NEDD9: variants seen among roughly 807,000 people sequenced by gnomAD.
NEDD9 encodes the protein neural precursor cell expressed, developmentally down-regulated 9, also known as enhancer of filamentation 1.
Under a neutral mutation model 76.6 loss-of-function variants are expected in NEDD9, and 26 were observed. That is an observed-to-expected ratio of 0.34 (90% CI 0.25 to 0.47). NEDD9 has a LOEUF of 0.47. Ranked by LOEUF, NEDD9 falls within the 20% of genes least tolerant of loss-of-function variation. The probability of loss-of-function intolerance (pLI) is 1.00; values close to 1 mark genes in which losing one functional copy is unlikely to be tolerated. For synonymous variants in NEDD9, 392 were observed against 414.2 expected (o/e 0.95, Z 0.65); for missense variants, 937 against 1,058.5 (o/e 0.89, Z 1.59).
chr6:11,256,471 G>T (rs1760007026), intron 3 of NEDD9, among the ~76,000 whole-genome samples: 1 of 152,168 alleles, frequency 6.6e-6, no homozygotes, highest in Non-Finnish European at 1.5e-5. Context: ...CTCTTTCACA[G>T]AATTTATTAG....
chr6:11,235,328 A>T (rs1272947080), upstream of NEDD9, among the ~76,000 whole-genome samples: 1 of 152,158 alleles, frequency 6.6e-6, no homozygotes, highest in Non-Finnish European at 1.5e-5. The surrounding 1 kb of genome is among the most constrained non-coding windows in gnomAD (Gnocchi z 4.1). Context: ...AGGCATTCAG[A>T]AGAAGTTGGA....
chr6:11,331,546 G>A (rs117707967), intron 2 of NEDD9, among the ~76,000 whole-genome samples: 1 of 152,072 alleles, frequency 6.6e-6, no homozygotes, highest in African/African-American at 2.4e-5. Flanking sequence ...TTCAAAAAAT[G>A]TTTAAATGTA....
intron 1 of NEDD9, among the ~76,000 whole-genome samples, chr6:11,359,472 C>A (rs1196244165): frequency 2.0e-5 from 3 of 152,234 alleles, no homozygotes; most frequent in Non-Finnish European, 2.9e-5. Context: ...GTCCCTATTT[C>A]ACTAGTTAAC....
At chr6:11,352,174 C>G (rs1427775106) in intron 1 of NEDD9, 1 of 152,232 alleles carries the variant, frequency 6.6e-6, no homozygotes, top group Non-Finnish European at 1.5e-5. Flanking sequence ...GTTTCCTTTT[C>G]TTCAGGGTTA....
At chr6:11,332,733 A>C (rs1762070286) in intron 2 of NEDD9, among the ~76,000 whole-genome samples, 1 of 152,112 alleles carries the variant, frequency 6.6e-6, no homozygotes, top group Non-Finnish European at 1.5e-5. Context: ...AGATGCTGAG[A>C]ACATGTGGGC....
Position 11,232,655 on chromosome 6 carries a change from T to A in NEDD9, c.-140A>T. 1.9e-6 allele frequency: 3 copies of A among 1,546,210 alleles called. No individual in the cohort carries two copies. The highest frequency in any genetic ancestry group is 2.6e-6 in the Non-Finnish European group (3 of 1,149,630). ...AGAGCCGCTTGTCAGTCGCAGCGCC[T>A]CCCTCAAGTCTCTGAGCTCACTGTT... On this transcript the variant is annotated 5_prime_UTR_variant, in exon 1 of 7. Transcript: ENST00000379446.
At chr6:11,305,499 C>T (rs1277265630) in intron 3 of NEDD9, among the ~76,000 whole-genome samples, 1 of 152,096 alleles carries the variant, frequency 6.6e-6, no homozygotes, top group African/African-American at 2.4e-5. Context: ...TTTAGGAAGC[C>T]TTGGTTAGAT....
intron 2 of NEDD9, among the ~76,000 whole-genome samples, chr6:11,212,632 C>T (rs1399478386): frequency 6.6e-6 from 1 of 152,186 alleles, no homozygotes; most frequent in Non-Finnish European, 1.5e-5. Flanking sequence ...CCTAAATATC[C>T]AAGCTCCACT....
chr6:11,378,656 T>C (rs80024026), intron 1 of NEDD9, among the ~76,000 whole-genome samples: 3,951 of 152,290 alleles, frequency 0.026, 190 homozygotes, highest in African/African-American at 0.091. Flanking sequence ...AATGTTACAA[T>C]ATTTAAAAAT....
intron 1 of NEDD9, among the ~76,000 whole-genome samples, chr6:11,339,372 A>G (rs1762228182): frequency 6.6e-6 from 1 of 152,226 alleles, no homozygotes; most frequent in South Asian, 2.1e-4. Flanking sequence ...TTTCCAAGGT[A>G]ATCACTTCTC....
chr6:11,206,269 A>C (rs886407763), intron 2 of NEDD9, among the ~76,000 whole-genome samples: 6 of 152,016 alleles, frequency 3.9e-5, no homozygotes, highest in African/African-American at 1.2e-4. Context: ...AAATACAAAA[A>C]TTAGCCGGGC....
chr6:11,373,292 A>T (rs1273545876), intron 1 of NEDD9, among the ~76,000 whole-genome samples: 1 of 152,252 alleles, frequency 6.6e-6, no homozygotes, highest in African/African-American at 2.4e-5. Context: ...TGAAAGCTAC[A>T]TAATGAATAA....
intron 1 of NEDD9, among the ~76,000 whole-genome samples, chr6:11,229,360 C>T (rs1207413692): frequency 6.6e-6 from 1 of 152,198 alleles, no homozygotes; most frequent in African/African-American, 2.4e-5. Flanking sequence ...GGCCAAGGGG[C>T]CGCTGAGCCC....
At chr6:11,228,065 T>C (rs1453560549) in intron 1 of NEDD9, among the ~76,000 whole-genome samples, 1 of 62,522 alleles carries the variant, frequency 1.6e-5, no homozygotes, top group Non-Finnish European at 3.3e-5. Context: ...CATCTGTGTG[T>C]GGGAGGCAAG....
chr6:11,355,876 A>T (rs558326593), intron 1 of NEDD9, among the ~76,000 whole-genome samples: 3 of 149,900 alleles, frequency 2.0e-5, no homozygotes, highest in Non-Finnish European at 2.9e-5. Flanking sequence ...ACCCGCCACC[A>T]CGCCCGGCTA....
At chr6:11,242,132 A>G (rs1759721163) in intron 3 of NEDD9, among the ~76,000 whole-genome samples, 1 of 152,168 alleles carries the variant, frequency 6.6e-6, no homozygotes, top group South Asian at 2.1e-4. Flanking sequence ...TGACTTGCCG[A>G]ACGGAGTATG....
At chr6:11,306,154 A>G in exon 3 of NEDD9, 2 of 879,864 alleles carry the variant, frequency 2.3e-6, no homozygotes, top group Non-Finnish European at 3.7e-6. Flanking sequence ...AGCTTACTGA[A>G]TCTGAAAACA....
At chr6:11,204,339 A>C (rs142724734) in intron 2 of NEDD9, among the ~76,000 whole-genome samples, 4 of 152,204 alleles carry the variant, frequency 2.6e-5, no homozygotes, top group Admixed American at 2.6e-4. Context: ...GAGAGCCACA[A>C]CTTGAAAGCT....
Position 11,232,626 on chromosome 6 carries a change from G to C in NEDD9, c.-111C>G. On this transcript the variant is annotated 5_prime_UTR_variant, in exon 1 of 7. Coordinates refer to ENST00000379446, the MANE Select transcript of NEDD9 (RefSeq NM_006403.4). ...CGCTAGATGAAAGCGAGAAGGTCCC[G>C]GGCAGAGCCGCTTGTCAGTCGCAGC... The C allele has an allele frequency of 6.3e-7, 1 of 1,589,090 alleles. No homozygotes were observed. Among genetic ancestry groups the C allele is most frequent in the East Asian group, 2.2e-5 (1 of 44,610 alleles).
Sources: allele counts gnomAD v4.1 joint callset (sites outside exome capture counted in the v4.1 genomes callset), GRCh38; gene constraint gnomAD v4.1.1; non-coding constraint Gnocchi (gnomAD v3.1); transcripts MANE v1.5; gene names NCBI Gene and HGNC (gene_info 2026-07-23, HGNC 2026-07-21).